C10orf88: variants seen among roughly 807,000 people sequenced by gnomAD.
The protein encoded by C10orf88 is ATPase PAAT.
Under a neutral mutation model 34.2 loss-of-function variants are expected in C10orf88, and 29 were observed. The observed-to-expected ratio is 0.85, with a 90% CI of 0.63 to 1.16. C10orf88 has a LOEUF of 1.16. Among genes scored for constraint, C10orf88 ranks in the 50% most tolerant of loss-of-function variants. The pLI is 0.00. For synonymous variants in C10orf88, 194 were observed against 197.4 expected (o/e 0.98, Z 0.15); for missense variants, 507 against 533.2 (o/e 0.95, Z 0.48).
chr10:122,931,539 C>T lies in C10orf88; in HGVS notation c.*888G>A, dbSNP rs560797578. On this transcript the variant is annotated 3_prime_UTR_variant, in exon 6 of 6. Transcript: ENST00000481909. ...GAGCAGGTGCATTTATTTTTATATG[C>T]AAATATATCACCCTTCAATGCATAT... 1 of 152,172 alleles carries T rather than the reference C, an allele frequency of 6.6e-6. No individual in the cohort carries two copies. Among genetic ancestry groups the T allele is most frequent in the African/African-American group, 2.4e-5 (1 of 41,528 alleles). 9.4% of individuals were successfully genotyped at this position (152,172 alleles called of 1,614,324 possible).
intron 4 of C10orf88, among the ~76,000 whole-genome samples, chr10:122,946,308 C>T (rs1848639141): frequency 6.6e-6 from 1 of 152,152 alleles, no homozygotes; most frequent in South Asian, 2.1e-4. Flanking sequence ...GTGCCCTATA[C>T]AGGCGTGCCA....
At chr10:122,936,521 A>G (rs1179232388) in intron 5 of C10orf88, among the ~76,000 whole-genome samples, 1 of 151,756 alleles carries the variant, frequency 6.6e-6, no homozygotes, top group Non-Finnish European at 1.5e-5. Context: ...TGTAAATTCA[A>G]TTTCTTTAAT....
At chr10:122,944,514 T>A (rs1243267090) in intron 4 of C10orf88, among the ~76,000 whole-genome samples, 1 of 151,952 alleles carries the variant, frequency 6.6e-6, no homozygotes, top group African/African-American at 2.4e-5. Flanking sequence ...ACCCTAAAAC[T>A]TAAAGTATAA....
At chr10:122,946,935 G>A (rs1848646171) in intron 4 of C10orf88, among the ~76,000 whole-genome samples, 1 of 152,074 alleles carries the variant, frequency 6.6e-6, no homozygotes, top group Non-Finnish European at 1.5e-5. Context: ...AACATGGCAG[G>A]AGATGAGGTT....
intron 5 of C10orf88, among the ~76,000 whole-genome samples, chr10:122,934,242 T>G (rs1390221431): frequency 6.6e-6 from 1 of 152,172 alleles, no homozygotes; most frequent in Non-Finnish European, 1.5e-5. Flanking sequence ...TTTTATCATA[T>G]GTACACATAT....
In C10orf88 at chr10:122,937,700, C is replaced by T. The variant is rs1848545959; in HGVS notation, c.1103+5G>A. On this transcript the variant is annotated splice_donor_5th_base_variant and intron_variant, in intron 5 of 5. Transcript: ENST00000481909. Reference sequence around the variant, plus strand: ...GAAACTCGTATGTCTTAAAATAATACTTACCCAACACCAAGAATGCGTTCA... The same window carrying T: ...GAAACTCGTATGTCTTAAAATAATATTTACCCAACACCAAGAATGCGTTCA... 1 of 1,585,722 alleles carries T rather than the reference C, an allele frequency of 6.3e-7. No individual in the cohort carries two copies. The highest frequency in any genetic ancestry group is 1.8e-5 in the Admixed American group (1 of 55,736).
In C10orf88 at chr10:122,937,979, C is replaced by T. The variant is rs763029090; in HGVS notation, c.829G>A (p.Asp277Asn). 29 of 1,613,264 alleles carry T rather than the reference C, an allele frequency of 1.8e-5. No homozygotes were observed. The highest frequency in any genetic ancestry group is 1.6e-4 in the Middle Eastern group (1 of 6,080). Reference protein sequence around the residue: ...NVTENLQTYIDKSTQLPGGEN... With the variant: ...NVTENLQTYINKSTQLPGGEN... ...CCACCAGGCAGTTGTGTACTTTTATCAATGTAAGTTTGTAAGTTTTCAGTC... is the reference window on the plus strand; with the variant it reads ...CCACCAGGCAGTTGTGTACTTTTATTAATGTAAGTTTGTAAGTTTTCAGTC... Residue 277 changes from aspartate to asparagine, a missense_variant, in exon 5 of 6, where the codon GAT (aspartate) becomes AAT (asparagine). Asp to Asn is a conservative substitution (Grantham distance 23). Transcript: ENST00000481909.
At chr10:122,950,553 A>G (rs1848680931) in intron 3 of C10orf88, among the ~76,000 whole-genome samples, 1 of 116,776 alleles carries the variant, frequency 8.6e-6, no homozygotes, top group Admixed American at 8.2e-5. Context: ...TTAAGGAAAC[A>G]CTCTTATTAA....
At position 122,934,153 on chromosome 10, in the gene C10orf88, CA is replaced by C. The variant is rs1479751115; in HGVS notation, c.1104-1493del. Among the ~76,000 whole-genome samples, 4 of 152,250 alleles carry C rather than the reference CA, an allele frequency of 2.6e-5. No individual in the cohort carries two copies. In the East Asian group the frequency reaches 7.7e-4, roughly 29 times the overall value. On this transcript the variant is annotated intron_variant, in intron 5 of 5. Transcript: ENST00000481909. ...CCCTTTATCCAATCCTCCCAATGGT[CA>C]CATCTTATCTACCTATAATCCAATA...
At chr10:122,943,822 G>A (rs1485873526) in intron 4 of C10orf88, among the ~76,000 whole-genome samples, 1 of 152,172 alleles carries the variant, frequency 6.6e-6, no homozygotes, top group Non-Finnish European at 1.5e-5. Context: ...AAACCACAAT[G>A]AGATACCATT....
At chr10:122,952,574 C>T (rs1161774602) in intron 2 of C10orf88, among the ~76,000 whole-genome samples, 2 of 152,218 alleles carry the variant, frequency 1.3e-5, no homozygotes, top group Admixed American at 6.5e-5. Flanking sequence ...AACTCTTCCA[C>T]TAACTAGCTA....
Position 122,938,048 on chromosome 10 carries a change from A to T in C10orf88, c.760T>A (p.Ser254Thr). ...STLGTLNKSS[S>T]TPFPFRTGLT... ...CCAGTTCTAAAAGGAAAAGGTGTGG[A>T]GGACGACTTGTTTAAGGTTCCTAAG... The change falls in exon 5 of 6, where the codon TCC (serine) becomes ACC (threonine). Residue 254 changes from serine (S) to threonine (T), a missense_variant. Ser to Thr is a moderately conservative substitution (Grantham distance 58). Transcript: ENST00000481909. 6.2e-7 allele frequency: 1 copy of T among 1,613,386 alleles called. No homozygotes were observed. Among genetic ancestry groups the T allele is most frequent in the Non-Finnish European group, 8.5e-7 (1 of 1,179,474 alleles).
chr10:122,935,946 A>G (rs1454851915), intron 5 of C10orf88, among the ~76,000 whole-genome samples: 1 of 151,718 alleles, frequency 6.6e-6, no homozygotes, highest in African/African-American at 2.4e-5. Flanking sequence ...TTTGGGGGGC[A>G]ATCTAGTTTG....
chr10:122,954,090 C>T lies in C10orf88; in HGVS notation c.89G>A (p.Ser30Asn). 2 of 1,575,906 alleles carry T rather than the reference C, an allele frequency of 1.3e-6. No individual in the cohort carries two copies. Among genetic ancestry groups the T allele is most frequent in the East Asian group, 2.4e-5 (1 of 41,688 alleles). The change falls in exon 1 of 6, where the codon AGC becomes AAC. Residue 30 changes from serine to asparagine, a missense_variant. By Grantham distance (46) the Ser-to-Asn change is conservative (BLOSUM62 1). Coordinates refer to ENST00000481909, the MANE Select transcript of C10orf88 (RefSeq NM_024942.4). ...GAGACCGGCCCGGGTGAGGAGGAGGCTGTGGGTCAGGGCCCCGCCTGCAAC... is the reference window on the plus strand; with the variant it reads ...GAGACCGGCCCGGGTGAGGAGGAGGTTGTGGGTCAGGGCCCCGCCTGCAAC... Reference protein sequence around the residue: ...WDVAGGALTHSLLLTRAGLGP... With the variant: ...WDVAGGALTHNLLLTRAGLGP...
At chr10:122,946,211 T>C (rs918107498) in intron 4 of C10orf88, among the ~76,000 whole-genome samples, 2 of 152,198 alleles carry the variant, frequency 1.3e-5, no homozygotes, top group African/African-American at 4.8e-5. Flanking sequence ...AAGTCTACAG[T>C]AGTGTACAGT....
At chr10:122,939,460 G>A (rs1368826134) in intron 4 of C10orf88, among the ~76,000 whole-genome samples, 1 of 151,714 alleles carries the variant, frequency 6.6e-6, no homozygotes, top group African/African-American at 2.4e-5. Context: ...TAAGGGCCAG[G>A]GAAGCTGGGG....
intron 5 of C10orf88, among the ~76,000 whole-genome samples, chr10:122,935,855 A>AT (rs1277531361): frequency 6.6e-6 from 1 of 151,372 alleles, no homozygotes; most frequent in Non-Finnish European, 1.5e-5. Flanking sequence ...AGGTTTATAA[A>AT]TTTTTTCATA....
At chr10:122,947,066 C>G (rs1848647619) in intron 4 of C10orf88, among the ~76,000 whole-genome samples, 3 of 151,966 alleles carry the variant, frequency 2.0e-5, no homozygotes, top group Admixed American at 2.0e-4. Flanking sequence ...ATCCAATTAT[C>G]CTTTGAGGTC....
At chr10:122,940,955 T>C (rs1483705218) in intron 4 of C10orf88, among the ~76,000 whole-genome samples, 2 of 152,216 alleles carry the variant, frequency 1.3e-5, no homozygotes, top group African/African-American at 4.8e-5. Context: ...ATATATTCTG[T>C]ATACACACAA....
Sources: allele counts gnomAD v4.1 joint callset (sites outside exome capture counted in the v4.1 genomes callset), GRCh38; gene constraint gnomAD v4.1.1; transcripts MANE v1.5; gene names NCBI Gene and HGNC (gene_info 2026-07-23, HGNC 2026-07-21).